The following FBXL13 variants were observed in gnomAD, a reference collection of about 807,000 sequenced individuals.
FBXL13 encodes the protein F-box and leucine rich repeat protein 13.
A neutral mutation model predicts 83.6 loss-of-function variants in FBXL13; 67 were observed. That is an observed-to-expected ratio of 0.80 (90% CI 0.66 to 0.98). The LOEUF is 0.98. Ranked by LOEUF, FBXL13 falls within the 50% of genes least tolerant of loss-of-function variation. The pLI is 0.00. For missense variants in FBXL13, 822 were observed against 866.5 expected (o/e 0.95, Z 0.64); for synonymous variants, 272 against 299.5 (o/e 0.91, Z 0.95).
chr7:102,893,743 G>A (rs1811835415), intron 11 of FBXL13, among the ~76,000 whole-genome samples: 2 of 148,042 alleles, frequency 1.4e-5, no homozygotes, highest in African/African-American at 5.0e-5. Flanking sequence ...ACTCCAGCCT[G>A]GGTGACAGAG....
intron 17 of FBXL13, among the ~76,000 whole-genome samples, chr7:102,841,268 T>C (rs181523202): frequency 2.6e-5 from 4 of 152,306 alleles, no homozygotes; most frequent in Admixed American, 2.6e-4. Context: ...TTTTTAACTT[T>C]TGGCAAGTTT....
chr7:102,867,667 A>ACG (rs1426305805), intron 16 of FBXL13, among the ~76,000 whole-genome samples: 1 of 95,870 alleles, frequency 1.0e-5, no homozygotes, highest in Non-Finnish European at 1.9e-5. Flanking sequence ...ATAGACTTAG[A>ACG]CATATATATA....
chr7:102,876,803 T>A (rs1364449457), intron 16 of FBXL13, among the ~76,000 whole-genome samples: 1 of 152,156 alleles, frequency 6.6e-6, no homozygotes. Context: ...AGGAAGGATA[T>A]AGGATATAAG....
At chr7:102,960,432 T>G (rs1448877464) in intron 8 of FBXL13, among the ~76,000 whole-genome samples, 1 of 152,094 alleles carries the variant, frequency 6.6e-6, no homozygotes, top group Non-Finnish European at 1.5e-5. Context: ...CCATTCCTTC[T>G]GAAACTATTC....
At chr7:102,897,854 T>C (rs1233647043) in intron 11 of FBXL13, among the ~76,000 whole-genome samples, 1 of 152,220 alleles carries the variant, frequency 6.6e-6, no homozygotes, top group Non-Finnish European at 1.5e-5. Context: ...GAATATAAGA[T>C]GACTTTAATA....
chr7:103,028,696 T>C (rs755745630), exon 4 of FBXL13: 5 of 1,600,464 alleles, frequency 3.1e-6, no homozygotes, highest in Non-Finnish European at 4.3e-6. Context: ...GCTCTGTTCA[T>C]TTTTTCAGCC....
chr7:103,067,219 C>CAG, intron 1 of FBXL13, among the ~76,000 whole-genome samples: 1 of 152,246 alleles, frequency 6.6e-6, no homozygotes, highest in South Asian at 2.1e-4. Flanking sequence ...AAATAATGTT[C>CAG]AGTTGCTCAG....
At chr7:102,889,817 T>A (rs1353662059) in intron 11 of FBXL13, among the ~76,000 whole-genome samples, 1 of 152,126 alleles carries the variant, frequency 6.6e-6, no homozygotes, top group Admixed American at 6.6e-5. Flanking sequence ...AACATTAATA[T>A]CTCTAATAAT....
chr7:102,856,350 TA>T (rs1216506612), intron 16 of FBXL13, among the ~76,000 whole-genome samples: 1 of 152,206 alleles, frequency 6.6e-6, no homozygotes, highest in African/African-American at 2.4e-5. Context: ...AAATATCAAG[TA>T]ACAGATGCAA....
chr7:102,870,600 A>G (rs572741636), intron 16 of FBXL13, among the ~76,000 whole-genome samples: 1 of 152,336 alleles, frequency 6.6e-6, no homozygotes, highest in East Asian at 1.9e-4. Flanking sequence ...GAGGTGTAAC[A>G]TACAGAAAGG....
chr7:103,002,336 T>A (rs573606732), intron 6 of FBXL13, among the ~76,000 whole-genome samples: 2 of 152,354 alleles, frequency 1.3e-5, no homozygotes, highest in South Asian at 4.1e-4. Context: ...TTTTTTGTTG[T>A]CTGAATTCAC....
At chr7:102,935,242 C>CTTTTTTTTTTTTTTTTT (rs71106700) in intron 8 of FBXL13, among the ~76,000 whole-genome samples, 15 of 76,416 alleles carry the variant, frequency 2.0e-4, no homozygotes, top group African/African-American at 7.5e-4. Flanking sequence ...TTTTTTCTTT[C>CTTTTTTTTTTTTTTTTT]TTTTTTTTTT....
At chr7:103,026,626 G>A (rs1389635646) in intron 5 of FBXL13, among the ~76,000 whole-genome samples, 1 of 152,208 alleles carries the variant, frequency 6.6e-6, no homozygotes, top group Non-Finnish European at 1.5e-5. Context: ...TCTCTGAGAT[G>A]CTTAAAGCTC....
intron 8 of FBXL13, among the ~76,000 whole-genome samples, chr7:102,961,904 A>G (rs1019965187): frequency 1.3e-4 from 19 of 148,580 alleles, no homozygotes; most frequent in African/African-American, 4.8e-4. Context: ...CCTAGGCATT[A>G]CCATTCAGGA....
At chr7:102,820,171 G>C (rs540565513) in intron 19 of FBXL13, among the ~76,000 whole-genome samples, 1 of 152,350 alleles carries the variant, frequency 6.6e-6, no homozygotes, top group Non-Finnish European at 1.5e-5. Context: ...TTTCCTGCTA[G>C]AGCTAAGCAA....
At chr7:102,908,522 GC>G (rs1446103935) in intron 11 of FBXL13, among the ~76,000 whole-genome samples, 2 of 152,212 alleles carry the variant, frequency 1.3e-5, no homozygotes, top group Admixed American at 1.3e-4. Flanking sequence ...AGTCTTCACT[GC>G]CTGGGCTTAT....
At chr7:103,021,865 C>G (rs932520341) in intron 6 of FBXL13, among the ~76,000 whole-genome samples, 1 of 152,134 alleles carries the variant, frequency 6.6e-6, no homozygotes, top group Non-Finnish European at 1.5e-5. Context: ...AATAGTAACA[C>G]TTTTACACCG....
At chr7:102,861,002 TATATATACACACAA>T (rs1806741019) in intron 16 of FBXL13, among the ~76,000 whole-genome samples, 1 of 151,750 alleles carries the variant, frequency 6.6e-6, no homozygotes, top group Non-Finnish European at 1.5e-5. Flanking sequence ...CACACACATA[TATATATACACACAA>T]ATATACATAA....
intron 17 of FBXL13, among the ~76,000 whole-genome samples, chr7:102,848,481 A>T (rs560407734): frequency 1.2e-5 from 1 of 82,538 alleles, no homozygotes; most frequent in Admixed American, 1.2e-4. Flanking sequence ...GCGTGAACCC[A>T]AGAGGCGGAG....
Sources: gnomAD v4.1 joint callset for allele counts (sites outside exome capture counted in the v4.1 genomes callset) on GRCh38, gnomAD v4.1.1 for gene constraint, MANE v1.5 for transcripts, NCBI Gene and HGNC (gene_info 2026-07-23, HGNC 2026-07-21) for gene names.